The following EXT1 variants were observed in gnomAD, a reference collection of about 807,000 sequenced individuals.
EXT1 encodes the protein exostosin glycosyltransferase 1.
A neutral mutation model predicts 82.5 loss-of-function variants in EXT1; 20 were observed. That is an observed-to-expected ratio of 0.24 (90% CI 0.17 to 0.35). The LOEUF (loss-of-function observed/expected upper bound fraction) is 0.35. Among genes scored for constraint, EXT1 ranks in the 10% least tolerant of loss-of-function variants. The pLI, the probability that EXT1 is intolerant of heterozygous loss-of-function variation, is 1.00. For synonymous variants in EXT1, 348 were observed against 350.8 expected (o/e 0.99, Z 0.09); for missense variants, 757 against 936.5 (o/e 0.81, Z 2.50).
At chr8:117,809,912 G>T (rs1823294950) in intron 8 of EXT1, among the ~76,000 whole-genome samples, 1 of 152,150 alleles carries the variant, frequency 6.6e-6, no homozygotes, top group Admixed American at 6.5e-5. Context: ...TCTTTGAAAA[G>T]GAAACACATG....
At chr8:117,959,013 C>T (rs968170556) in intron 1 of EXT1, among the ~76,000 whole-genome samples, 4 of 152,214 alleles carry the variant, frequency 2.6e-5, no homozygotes, top group African/African-American at 9.6e-5. Context: ...CTTGACCAAA[C>T]AGTCCAGGTT....
chr8:117,992,977 G>A (rs545143190), intron 1 of EXT1, among the ~76,000 whole-genome samples: 28 of 152,252 alleles, frequency 1.8e-4, no homozygotes, highest in African/African-American at 6.7e-4. Flanking sequence ...TTCACTTCAT[G>A]TGCAAAAAAC....
intron 1 of EXT1, among the ~76,000 whole-genome samples, chr8:118,004,267 T>A (rs1815730605): frequency 6.6e-6 from 1 of 152,250 alleles, no homozygotes; most frequent in Non-Finnish European, 1.5e-5. Context: ...CATGTTCATA[T>A]GCATGGAGGT....
intron 1 of EXT1, among the ~76,000 whole-genome samples, chr8:118,065,310 T>C (rs924336146): frequency 4.6e-5 from 7 of 152,172 alleles, no homozygotes; most frequent in Non-Finnish European, 8.8e-5. Context: ...AATATGCTTC[T>C]AGATGGAGTC....
intron 1 of EXT1, among the ~76,000 whole-genome samples, chr8:117,953,585 C>T (rs1305129176): frequency 3.9e-5 from 6 of 151,976 alleles, no homozygotes; most frequent in South Asian, 2.1e-4. Context: ...AAACAACCAG[C>T]GCCAAATTAC....
intron 1 of EXT1, among the ~76,000 whole-genome samples, chr8:118,098,416 AG>A (rs1217693115): frequency 6.6e-6 from 1 of 151,928 alleles, no homozygotes; most frequent in Non-Finnish European, 1.5e-5. Flanking sequence ...TCTTTACCTG[AG>A]CCCACAGCCC....
At chr8:117,832,084 T>C (rs886859054) in intron 3 of EXT1, among the ~76,000 whole-genome samples, 2 of 152,178 alleles carry the variant, frequency 1.3e-5, no homozygotes, top group African/African-American at 4.8e-5. Flanking sequence ...CTGAGAAAGT[T>C]ACCTAGATGG....
chr8:118,033,657 T>C (rs1223491599), intron 1 of EXT1, among the ~76,000 whole-genome samples: 4 of 152,172 alleles, frequency 2.6e-5, no homozygotes, highest in Admixed American at 2.0e-4. Context: ...TTTTTGGTTT[T>C]TGTAGAGACG....
intron 1 of EXT1, among the ~76,000 whole-genome samples, chr8:118,101,890 A>G (rs771175831): frequency 3.3e-5 from 5 of 151,712 alleles, no homozygotes; most frequent in Non-Finnish European, 5.9e-5. Flanking sequence ...TGAGAGAGAG[A>G]CCCTAGTCAA....
chr8:117,800,370 C>T (rs1025604952), intron 10 of EXT1, among the ~76,000 whole-genome samples: 3 of 152,194 alleles, frequency 2.0e-5, no homozygotes, highest in African/African-American at 7.2e-5. Context: ...CACTTCCTTC[C>T]TTCTACTATC....
chr8:117,994,876 T>A (rs1039808259), intron 1 of EXT1, among the ~76,000 whole-genome samples: 1 of 152,162 alleles, frequency 6.6e-6, no homozygotes, highest in African/African-American at 2.4e-5. Context: ...CAGCAGACGG[T>A]CTGAATCCTA....
At chr8:118,042,375 C>G (rs1370477770) in intron 1 of EXT1, among the ~76,000 whole-genome samples, 1 of 152,132 alleles carries the variant, frequency 6.6e-6, no homozygotes, top group African/African-American at 2.4e-5. Context: ...CTCACTGTAA[C>G]CTCCGCCTCC....
intron 1 of EXT1, among the ~76,000 whole-genome samples, chr8:118,076,358 G>A (rs944925609): frequency 1.3e-5 from 2 of 152,232 alleles, no homozygotes; most frequent in Non-Finnish European, 2.9e-5. Flanking sequence ...AGAGAATGTA[G>A]ATATAATTGG....
chr8:117,899,725 T>TA (rs1266110350), intron 1 of EXT1, among the ~76,000 whole-genome samples: 1 of 152,218 alleles, frequency 6.6e-6, no homozygotes, highest in Non-Finnish European at 1.5e-5. Context: ...AGTAGCAAGA[T>TA]AAATGCAACC....
intron 1 of EXT1, among the ~76,000 whole-genome samples, chr8:117,918,036 T>G (rs1813787810): frequency 6.6e-6 from 1 of 152,160 alleles, no homozygotes; most frequent in South Asian, 2.1e-4. Context: ...TTTCCAGGGA[T>G]AAGCCTCCAT....
At chr8:117,889,103 G>A (rs1278445941) in intron 1 of EXT1, among the ~76,000 whole-genome samples, 1 of 152,126 alleles carries the variant, frequency 6.6e-6, no homozygotes, top group Non-Finnish European at 1.5e-5. Context: ...GAATGCAGTT[G>A]TGATAGCTGG....
At chr8:117,887,876 G>A (rs1256255134) in intron 1 of EXT1, among the ~76,000 whole-genome samples, 1 of 151,400 alleles carries the variant, frequency 6.6e-6, no homozygotes, top group Admixed American at 6.6e-5. Context: ...ACCTGAGCTC[G>A]GGAGTTTGAG....
intron 1 of EXT1, among the ~76,000 whole-genome samples, chr8:117,851,601 A>C (rs1812455623): frequency 7.3e-6 from 1 of 137,436 alleles, no homozygotes; most frequent in Non-Finnish European, 1.5e-5. Context: ...CTAAGAAAGC[A>C]GTGCAATTTA....
intron 1 of EXT1, among the ~76,000 whole-genome samples, chr8:117,951,265 C>A (rs1814486214): frequency 6.6e-6 from 1 of 152,156 alleles, no homozygotes; most frequent in African/African-American, 2.4e-5. Context: ...ATTTCCCTAC[C>A]TAAATTGGCC....
Sources: allele counts gnomAD v4.1 joint callset (sites outside exome capture counted in the v4.1 genomes callset), GRCh38; gene constraint gnomAD v4.1.1; transcripts MANE v1.5; gene names NCBI Gene and HGNC (gene_info 2026-07-23, HGNC 2026-07-21).